Variants in ABI1 observed in about 807,000 individuals in gnomAD.
ABI1 encodes the protein Abelson interactor 1.
Under a neutral mutation model 54.6 loss-of-function variants are expected in ABI1, and 14 were observed. That is an observed-to-expected ratio of 0.26 (90% CI 0.17 to 0.40). The LOEUF (loss-of-function observed/expected upper bound fraction) is 0.40, where lower values mean the gene tolerates loss of function less well. Ranked by LOEUF, ABI1 falls within the 10% of genes least tolerant of loss-of-function variation. The probability of loss-of-function intolerance (pLI) is 1.00; values close to 1 mark genes in which losing one functional copy is unlikely to be tolerated. For synonymous variants in ABI1, 194 were observed against 209.3 expected (o/e 0.93, Z 0.63); for missense variants, 443 against 598.3 (o/e 0.74, Z 2.71).
chr10:26,816,437 C>A (rs1039429926), intron 2 of ABI1, among the ~76,000 whole-genome samples: 1 of 151,782 alleles, frequency 6.6e-6, no homozygotes, highest in East Asian at 1.9e-4. Context: ...AAAATGATAC[C>A]CATAAAAACT....
chr10:26,797,086 G>A (rs890726459), intron 2 of ABI1, among the ~76,000 whole-genome samples: 7 of 152,106 alleles, frequency 4.6e-5, no homozygotes, highest in East Asian at 1.9e-4. Context: ...CTGCCATAAC[G>A]TCATGTTGTA....
Position 26,771,073 on chromosome 10 carries a change from A to C in ABI1, c.477+2T>G. On this transcript the variant is annotated splice_donor_variant, in intron 4 of 10. Coordinates refer to ENST00000376140, the MANE Select transcript of ABI1 (RefSeq NM_001012750.3). LOFTEE classifies it high-confidence loss of function. ...GATCAAATGATAAGTAATGGCTCTT[A>C]CCTTGGCTTTTAGCCACTTTACGTT... The C allele has an allele frequency of 6.2e-7, 1 of 1,613,652 alleles. No individual in the cohort carries two copies. Among genetic ancestry groups the C allele is most frequent in the South Asian group, 1.1e-5 (1 of 91,070 alleles).
chr10:26,763,990 A>T (rs760429761), intron 7 of ABI1: 1 of 1,547,462 alleles, frequency 6.5e-7, no homozygotes, highest in Non-Finnish European at 8.8e-7. Flanking sequence ...TTCAGGTCAG[A>T]GTACAAGAAA....
At chr10:26,838,779 T>C (rs1054139502) in intron 1 of ABI1, among the ~76,000 whole-genome samples, 1 of 152,210 alleles carries the variant, frequency 6.6e-6, no homozygotes, top group Admixed American at 6.5e-5. Context: ...CCACTTAGCC[T>C]AGCAAACAAT....
chr10:26,845,622 A>G (rs2049913457), intron 1 of ABI1, among the ~76,000 whole-genome samples: 2 of 152,298 alleles, frequency 1.3e-5, no homozygotes, highest in African/African-American at 4.8e-5. Context: ...CATCCTGGAC[A>G]ACAAGAGCGA....
chr10:26,757,250 A>C (rs187642584), intron 8 of ABI1, among the ~76,000 whole-genome samples: 2 of 152,276 alleles, frequency 1.3e-5, no homozygotes, highest in Admixed American at 1.3e-4. Flanking sequence ...CTCAGATTGA[A>C]GGATAATTAA....
intron 7 of ABI1, among the ~76,000 whole-genome samples, chr10:26,760,277 T>C (rs530766955): frequency 1.5e-4 from 23 of 152,274 alleles, no homozygotes; most frequent in African/African-American, 4.6e-4. Context: ...GGATTATTAT[T>C]ATTTTCCTTG....
At chr10:26,846,347 T>C (rs543119027) in intron 1 of ABI1, among the ~76,000 whole-genome samples, 5 of 151,224 alleles carry the variant, frequency 3.3e-5, no homozygotes, top group Non-Finnish European at 7.4e-5. Flanking sequence ...CTTTTCTTTT[T>C]TTTTTTTTTT....
At chr10:26,752,727 A>C (rs892781439) in intron 9 of ABI1, among the ~76,000 whole-genome samples, 1 of 152,182 alleles carries the variant, frequency 6.6e-6, no homozygotes, top group East Asian at 1.9e-4. Flanking sequence ...AGGTGTAAAC[A>C]GGGAAATGGG....
intron 7 of ABI1, among the ~76,000 whole-genome samples, chr10:26,760,363 T>A (rs1261772463): frequency 6.6e-6 from 1 of 152,204 alleles, no homozygotes; most frequent in Non-Finnish European, 1.5e-5. Context: ...AGTTGTCTAA[T>A]CCTTCTTAGA....
At chr10:26,853,315 A>ATT (rs1264572318) in intron 1 of ABI1, among the ~76,000 whole-genome samples, 25 of 148,162 alleles carry the variant, frequency 1.7e-4, no homozygotes, top group African/African-American at 6.5e-4. Flanking sequence ...TTTTTTTTAA[A>ATT]AAAAATCCCT....
At chr10:26,820,166 A>C (rs935074292) in intron 2 of ABI1, among the ~76,000 whole-genome samples, 1 of 152,228 alleles carries the variant, frequency 6.6e-6, no homozygotes, top group Non-Finnish European at 1.5e-5. Flanking sequence ...AATTTGCTAA[A>C]AGAGGAAATC....
intron 2 of ABI1, among the ~76,000 whole-genome samples, chr10:26,810,533 T>C (rs2047163724): frequency 6.6e-6 from 1 of 152,200 alleles, no homozygotes; most frequent in Non-Finnish European, 1.5e-5. Context: ...CTGGACACAA[T>C]CAGAGAGTAC....
At chr10:26,835,099 A>AC (rs536738699) in intron 1 of ABI1, among the ~76,000 whole-genome samples, 16 of 117,470 alleles carry the variant, frequency 1.4e-4, no homozygotes, top group Middle Eastern at 4.4e-3. Flanking sequence ...AAAAAAAAAA[A>AC]AAAAAAAAAA....
At chr10:26,815,257 T>C (rs1260035483) in intron 2 of ABI1, among the ~76,000 whole-genome samples, 4 of 152,226 alleles carry the variant, frequency 2.6e-5, no homozygotes, top group African/African-American at 9.6e-5. Context: ...CAGCTGCATT[T>C]AAGAGTTCCA....
rs1266297065 is a variant in ABI1, at chr10:26,746,728, G to T, written c.*1842C>A. The T allele has an allele frequency of 2.1e-6, 1 of 484,066 alleles. No individual in the cohort carries two copies. Among genetic ancestry groups the T allele is most frequent in the African/African-American group, 1.9e-5 (1 of 51,706 alleles). The allele number at this position is 484,066 out of a possible 1,614,324, so 30.0% of individuals were successfully genotyped here. On this transcript the variant is annotated 3_prime_UTR_variant, in exon 11 of 11. Transcript: ENST00000376140. ...CAAGGTATCTTGATGGTTATATGTG[G>T]TATTGTTTACACTGTTAATATCCAC...
At chr10:26,780,133 G>C (rs1841913499) in intron 2 of ABI1, among the ~76,000 whole-genome samples, 1 of 151,970 alleles carries the variant, frequency 6.6e-6, no homozygotes, top group African/African-American at 2.4e-5. Context: ...TCAGCCAAAG[G>C]GTATAAAACC....
intron 4 of ABI1, 37 bp downstream of exon 4, chr10:26,771,038 A>G (rs899468328): frequency 6.2e-7 from 1 of 1,611,570 alleles, no homozygotes; most frequent in Admixed American, 1.7e-5. Context: ...AATACAGAGG[A>G]AATACTGTGG....
intron 2 of ABI1, among the ~76,000 whole-genome samples, chr10:26,809,602 T>C (rs1434799934): frequency 1.3e-5 from 2 of 152,062 alleles, no homozygotes; most frequent in African/African-American, 2.4e-5. Context: ...AAAATATTAC[T>C]ATAAACTTTC....
Sources: gnomAD v4.1 joint callset for allele counts (sites outside exome capture counted in the v4.1 genomes callset) on GRCh38, gnomAD v4.1.1 for gene constraint, MANE v1.5 for transcripts, NCBI Gene and HGNC (gene_info 2026-07-23, HGNC 2026-07-21) for gene names.